Variants in MYRIP observed in about 807,000 individuals in gnomAD.
MYRIP encodes rab effector MyRIP.
In MYRIP, 49 loss-of-function variants were observed where a neutral mutation model predicts 98.0. The observed-to-expected ratio is 0.50, with a 90% CI of 0.40 to 0.63. MYRIP has a LOEUF of 0.63. MYRIP is among the 30% of genes least tolerant of loss of function. The probability of loss-of-function intolerance (pLI) is 0.00; values close to 1 mark genes in which losing one functional copy is unlikely to be tolerated. For missense variants in MYRIP, 1,004 were observed against 1,058.2 expected (o/e 0.95, Z 0.71); for synonymous variants, 404 against 409.5 (o/e 0.99, Z 0.16).
intron 3 of MYRIP, among the ~76,000 whole-genome samples, chr3:40,137,089 C>G (rs1452134899): frequency 6.6e-6 from 1 of 152,050 alleles, no homozygotes; most frequent in African/African-American, 2.4e-5. Flanking sequence ...ATCAATGAAT[C>G]CAGTAGCTGG....
intron 2 of MYRIP, among the ~76,000 whole-genome samples, chr3:39,929,493 A>G (rs542509337): frequency 6.6e-6 from 1 of 152,260 alleles, no homozygotes; most frequent in East Asian, 1.9e-4. Context: ...GTATAGCTAC[A>G]GTAATCACAA....
chr3:40,223,362 T>C (rs1278579216), intron 11 of MYRIP, among the ~76,000 whole-genome samples: 1 of 152,208 alleles, frequency 6.6e-6, no homozygotes, highest in African/African-American at 2.4e-5. Flanking sequence ...GTAATTAAAT[T>C]TGTGAGCTAC....
At chr3:40,121,774 A>G (rs920650380) in intron 3 of MYRIP, among the ~76,000 whole-genome samples, 24 of 152,232 alleles carry the variant, frequency 1.6e-4, no homozygotes, top group Non-Finnish European at 2.6e-4. Flanking sequence ...TATTTTTTAA[A>G]ATAAAGATTG....
At chr3:40,256,787 TCC>T (rs767242015) in intron 16 of MYRIP, among the ~76,000 whole-genome samples, 6 of 151,988 alleles carry the variant, frequency 3.9e-5, no homozygotes, top group Non-Finnish European at 8.8e-5. Flanking sequence ...AAGGAACAAT[TCC>T]CATACCATAT....
At chr3:39,875,906 C>G (rs1435918776) in intron 1 of MYRIP, among the ~76,000 whole-genome samples, 1 of 151,952 alleles carries the variant, frequency 6.6e-6, no homozygotes, top group Non-Finnish European at 1.5e-5. Flanking sequence ...TGTTGACTTT[C>G]TGTCTTGTTG....
At chr3:40,221,313 A>G (rs1255083270) in intron 11 of MYRIP, among the ~76,000 whole-genome samples, 2 of 152,158 alleles carry the variant, frequency 1.3e-5, no homozygotes, top group Admixed American at 1.3e-4. Flanking sequence ...TAAATTAATG[A>G]GATGCCACTT....
chr3:39,980,708 T>G (rs1945871286), intron 2 of MYRIP, among the ~76,000 whole-genome samples: 1 of 152,236 alleles, frequency 6.6e-6, no homozygotes, highest in Non-Finnish European at 1.5e-5. Context: ...GGATTTTCAG[T>G]TACCTTTTCT....
intron 3 of MYRIP, among the ~76,000 whole-genome samples, chr3:40,133,875 G>A (rs897059815): frequency 6.6e-6 from 1 of 152,180 alleles, no homozygotes; most frequent in Non-Finnish European, 1.5e-5. Flanking sequence ...GGGCCCACAA[G>A]CATAGATTTT....
At chr3:40,165,149 C>T (rs907004479) in intron 5 of MYRIP, among the ~76,000 whole-genome samples, 7 of 152,238 alleles carry the variant, frequency 4.6e-5, no homozygotes, top group South Asian at 2.1e-4. Context: ...CAACTTATAT[C>T]GCATAGGCTC....
chr3:39,992,434 A>G (rs995960990), intron 2 of MYRIP, among the ~76,000 whole-genome samples: 3 of 152,086 alleles, frequency 2.0e-5, no homozygotes, highest in African/African-American at 7.2e-5. Context: ...CCTCTCCCCC[A>G]AGGGCACAGC....
intron 1 of MYRIP, among the ~76,000 whole-genome samples, chr3:39,850,596 T>A (rs1942101747): frequency 1.3e-5 from 2 of 152,238 alleles, no homozygotes; most frequent in African/African-American, 4.8e-5. Context: ...GTTGTCTTAA[T>A]CCCTTTATTT....
At chr3:40,024,071 C>T (rs9818670) in intron 2 of MYRIP, among the ~76,000 whole-genome samples, 80,215 of 151,950 alleles carry the variant, frequency 0.53, 21,891 homozygotes, top group East Asian at 0.67. Flanking sequence ...GTAGGGTACT[C>T]GCTCTTGTCA....
chr3:40,250,347 C>A (rs1953335493), intron 14 of MYRIP, 21 bp downstream of exon 14: 1 of 1,612,802 alleles, frequency 6.2e-7, no homozygotes, highest in Admixed American at 1.7e-5. Context: ...CCCTTTCTCC[C>A]TCTGTTGGAA....
At chr3:40,096,187 C>T (rs1948830890) in intron 3 of MYRIP, among the ~76,000 whole-genome samples, 1 of 152,070 alleles carries the variant, frequency 6.6e-6, no homozygotes, top group African/African-American at 2.4e-5. Context: ...AAATCCTAAA[C>T]CGGTGTTCCA....
intron 1 of MYRIP, among the ~76,000 whole-genome samples, chr3:39,816,409 A>C (rs1326320616): frequency 6.6e-6 from 1 of 152,158 alleles, no homozygotes; most frequent in Non-Finnish European, 1.5e-5. Context: ...TCATACTGAC[A>C]ACCTATCCTG....
intron 7 of MYRIP, among the ~76,000 whole-genome samples, chr3:40,168,687 C>A (rs1207335114): frequency 6.6e-6 from 1 of 152,182 alleles, no homozygotes; most frequent in Non-Finnish European, 1.5e-5. Context: ...TGCCTGTGGC[C>A]ATGACAGGAG....
intron 1 of MYRIP, among the ~76,000 whole-genome samples, chr3:39,814,502 A>G (rs1385569681): frequency 2.0e-5 from 3 of 152,194 alleles, no homozygotes; most frequent in African/African-American, 7.2e-5. Context: ...AGGCAGGAGT[A>G]TAATTGTTTT....
intron 3 of MYRIP, among the ~76,000 whole-genome samples, chr3:40,108,014 G>T (rs1451277825): frequency 6.6e-6 from 1 of 152,156 alleles, no homozygotes; most frequent in Non-Finnish European, 1.5e-5. Flanking sequence ...CATAGAGAGG[G>T]GAGAGGCTGG....
At chr3:40,139,344 A>T (rs1949847231) in intron 3 of MYRIP, among the ~76,000 whole-genome samples, 1 of 152,308 alleles carries the variant, frequency 6.6e-6, no homozygotes, top group African/African-American at 2.4e-5. Context: ...TATAACCACT[A>T]CTACAGTCAA....
Sources: allele counts gnomAD v4.1 joint callset (sites outside exome capture counted in the v4.1 genomes callset), GRCh38; gene constraint gnomAD v4.1.1; transcripts MANE v1.5; gene names NCBI Gene and HGNC (gene_info 2026-07-23, HGNC 2026-07-21).